Variants in IL15 observed in about 807,000 individuals in gnomAD.
IL15 encodes interleukin 15.
Under a neutral mutation model 19.6 loss-of-function variants are expected in IL15, and 11 were observed. The observed-to-expected ratio is 0.56, with a 90% CI of 0.35 to 0.93. The LOEUF is 0.93. Ranked by LOEUF, IL15 falls within the 40% of genes least tolerant of loss-of-function variation. The probability of loss-of-function intolerance (pLI) is 0.01; values close to 1 mark genes in which losing one functional copy is unlikely to be tolerated. For synonymous variants in IL15, 58 were observed against 59.6 expected (o/e 0.97, Z 0.12); for missense variants, 197 against 186.5 (o/e 1.06, Z -0.33).
rs922670125 is a variant in IL15, at chr4:141,733,621, C to T, written c.*773C>T. On this transcript the variant is annotated 3_prime_UTR_variant, in exon 8 of 8. Transcript: ENST00000320650. ...CAAATTCATAAACTTTCATACATCT[C>T]GTTTTTAGCTCATCAGCTATCATTA... The T allele has an allele frequency of 2.0e-5, 3 of 152,096 alleles. No individual in the cohort carries two copies. Among genetic ancestry groups the T allele is most frequent in the South Asian group, 4.1e-4 (2 of 4,828 alleles). 9.4% of individuals were successfully genotyped at this position (152,096 alleles called of 1,614,324 possible). A position where few individuals can be genotyped will look rare whatever the true frequency, so the allele number is the denominator to read the frequency against.
intron 2 of IL15, among the ~76,000 whole-genome samples, chr4:141,691,959 G>T (rs1382849726): frequency 6.6e-6 from 1 of 152,244 alleles, no homozygotes; most frequent in Non-Finnish European, 1.5e-5. Flanking sequence ...CTCCAGCAGA[G>T]GTTCTCCAGG....
At chr4:141,682,647 A>G (rs943248721) in intron 2 of IL15, among the ~76,000 whole-genome samples, 3 of 152,182 alleles carry the variant, frequency 2.0e-5, no homozygotes, top group African/African-American at 7.2e-5. Flanking sequence ...ATGGAAAGCC[A>G]ACACTGAAAC....
rs868474683 is a variant in IL15, at chr4:141,657,318, T to C, written c.-100+1011T>C. Among the ~76,000 whole-genome samples the C allele has an allele frequency of 3.9e-5, 6 of 152,290 alleles. No individual in the cohort carries two copies. In the South Asian group the frequency reaches 1.2e-3, roughly 32 times the overall value. ...TCAATGAGTGAGTGGTGGGGGAATG[T>C]GAAAGCCTAGGACATTACTTCACAC... On this transcript the variant is annotated intron_variant, in intron 2 of 7. Transcript: ENST00000320650.
chr4:141,677,380 T>G (rs919670221), intron 2 of IL15, among the ~76,000 whole-genome samples: 2 of 152,242 alleles, frequency 1.3e-5, no homozygotes, highest in Non-Finnish European at 2.9e-5. Context: ...CTTGCTTTAT[T>G]GTAAGAATAC....
rs1447103016 is a variant in IL15 at position 141,666,074 on chromosome 4, T to TTTA, written c.-100+9770_-100+9772dup. Among the ~76,000 whole-genome samples the TTTA allele has an allele frequency of 1.9e-4, 25 of 132,702 alleles. No individual in the cohort carries two copies. In the South Asian group the frequency reaches 2.6e-3, roughly 14 times the overall value. 87.1% of individuals were successfully genotyped at this position (132,702 alleles called of 152,430 possible). A position where few individuals can be genotyped will look rare whatever the true frequency, so the allele number is the denominator to read the frequency against. ...CAGAATCTCTCTCAGACTCATCCTT[T>TTTA]TTATTTATTATTTATTTATTTATTT... On this transcript the variant is annotated intron_variant, in intron 2 of 7. Transcript: ENST00000320650.
chr4:141,723,523 C>T (rs955829177), intron 5 of IL15, among the ~76,000 whole-genome samples: 3 of 152,178 alleles, frequency 2.0e-5, no homozygotes, highest in Admixed American at 2.0e-4. Context: ...TCAGAAGGAA[C>T]ATGGCCCTAC....
At chr4:141,725,583 G>C (rs1223460508) in intron 5 of IL15, among the ~76,000 whole-genome samples, 1 of 152,142 alleles carries the variant, frequency 6.6e-6, no homozygotes. Flanking sequence ...ACTTTTTATA[G>C]CAGCCCTAGC....
chr4:141,713,281 C>T (rs1401409153), intron 2 of IL15, among the ~76,000 whole-genome samples: 2 of 152,170 alleles, frequency 1.3e-5, no homozygotes, highest in Admixed American at 6.5e-5. Flanking sequence ...CTGAAGAGAT[C>T]TGTAGCGGTC....
chr4:141,670,445 C>A (rs1025912299), intron 2 of IL15, among the ~76,000 whole-genome samples: 1 of 152,106 alleles, frequency 6.6e-6, no homozygotes, highest in Non-Finnish European at 1.5e-5. Flanking sequence ...TTACTTCTGT[C>A]CAAATTAACC....
chr4:141,661,075 G>T (rs1727770149), intron 2 of IL15, among the ~76,000 whole-genome samples: 1 of 152,070 alleles, frequency 6.6e-6, no homozygotes, highest in African/African-American at 2.4e-5. Context: ...TATGAGAATG[G>T]CATTGAAGGG....
At chr4:141,709,646 A>G (rs1579041566) in intron 2 of IL15, among the ~76,000 whole-genome samples, 1 of 152,344 alleles carries the variant, frequency 6.6e-6, no homozygotes, top group East Asian at 1.9e-4. Flanking sequence ...TCTAAAAACT[A>G]TGTTAAAATA....
At chr4:141,681,400 A>G (rs1412999021) in intron 2 of IL15, among the ~76,000 whole-genome samples, 2 of 152,132 alleles carry the variant, frequency 1.3e-5, no homozygotes, top group African/African-American at 4.8e-5. Context: ...TCTAAACTAT[A>G]CATGTATTTC....
intron 1 of IL15, among the ~76,000 whole-genome samples, chr4:141,650,390 T>G (rs1196013424): frequency 6.6e-6 from 1 of 152,040 alleles, no homozygotes; most frequent in African/African-American, 2.4e-5. Flanking sequence ...TTAGATATAG[T>G]CAATACATAT....
At chr4:141,660,441 C>T (rs1238481821) in intron 2 of IL15, among the ~76,000 whole-genome samples, 1 of 152,022 alleles carries the variant, frequency 6.6e-6, no homozygotes, top group East Asian at 1.9e-4. Context: ...AATTTTGTTT[C>T]TTATTATCTC....
chr4:141,727,950 T>C lies in IL15; in HGVS notation c.206T>C (p.Ile69Thr). The C allele has an allele frequency of 7.5e-7, 1 of 1,325,080 alleles. No homozygotes were observed. The highest frequency in any genetic ancestry group is 1.1e-6 in the Non-Finnish European group (1 of 937,306). 82.1% of individuals were successfully genotyped at this position (1,325,080 alleles called of 1,614,324 possible). ...TTTGTTTCCTTTCAGTCTATGCATA[T>C]TGATGCTACTTTATATACGGAAAGT... is the stretch of plus-strand genomic sequence containing the variant. Reference protein sequence around the residue: ...KIEDLIQSMHIDATLYTESDV... With the variant: ...KIEDLIQSMHTDATLYTESDV... Residue 69 changes from isoleucine (I) to threonine (T), a missense_variant, in exon 6 of 8, where the codon ATT (isoleucine) becomes ACT (threonine). Ile to Thr is a moderately conservative substitution (Grantham distance 89). Transcript: ENST00000320650.
intron 2 of IL15, among the ~76,000 whole-genome samples, chr4:141,677,975 G>A (rs912464767): frequency 3.3e-5 from 5 of 152,150 alleles, no homozygotes; most frequent in African/African-American, 1.2e-4. Flanking sequence ...GCCTGGGTTT[G>A]GTTGAACTCC....
intron 1 of IL15, among the ~76,000 whole-genome samples, chr4:141,650,475 A>G (rs1727369028): frequency 6.6e-6 from 1 of 152,024 alleles, no homozygotes; most frequent in Non-Finnish European, 1.5e-5. Context: ...ATTGAAGTTA[A>G]TATGGAGAAG....
intron 7 of IL15, 81 bp from the exon 8 acceptor site, chr4:141,732,657 C>A: frequency 1.3e-6 from 2 of 1,548,192 alleles, no homozygotes; most frequent in South Asian, 1.2e-5. Context: ...ATGGTTCAAA[C>A]GATATGATAT....
chr4:141,641,173 T>C (rs992440012), intron 1 of IL15, among the ~76,000 whole-genome samples: 9 of 152,208 alleles, frequency 5.9e-5, no homozygotes, highest in Non-Finnish European at 1.3e-4. Context: ...TGTTAAAGAT[T>C]TTCTATTTTC....
Sources: allele counts gnomAD v4.1 joint callset (sites outside exome capture counted in the v4.1 genomes callset), GRCh38; gene constraint gnomAD v4.1.1; transcripts MANE v1.5; gene names NCBI Gene and HGNC (gene_info 2026-07-23, HGNC 2026-07-21).